Variants in ZRANB3 observed in about 807,000 individuals in gnomAD.
The protein encoded by ZRANB3 is zinc finger RANBP2-type containing 3, also known as DNA annealing helicase and endonuclease ZRANB3.
In ZRANB3, 125 loss-of-function variants were observed where a neutral mutation model predicts 133.8. The ratio of observed to expected loss-of-function variants is 0.93; its 90% CI spans 0.81 to 1.08. ZRANB3 has a LOEUF of 1.08. Among genes scored for constraint, ZRANB3 ranks in the 50% least tolerant of loss-of-function variants. The pLI is 0.00. For missense variants in ZRANB3, 1,229 were observed against 1,275.5 expected (o/e 0.96, Z 0.56); for synonymous variants, 387 against 432.7 (o/e 0.89, Z 1.31).
intron 2 of ZRANB3, among the ~76,000 whole-genome samples, chr2:135,463,054 G>A (rs897049643): frequency 6.6e-6 from 1 of 152,232 alleles, no homozygotes; most frequent in Non-Finnish European, 1.5e-5. Context: ...CAAGCTGGAT[G>A]CAATGGCATG....
chr2:135,453,470 T>G (rs1690364702), intron 2 of ZRANB3, among the ~76,000 whole-genome samples: 1 of 152,216 alleles, frequency 6.6e-6, no homozygotes, highest in South Asian at 2.1e-4. Flanking sequence ...TATGCTCTGT[T>G]TCCCTTTTAA....
intron 1 of ZRANB3, among the ~76,000 whole-genome samples, chr2:135,520,327 G>A (rs879264108): frequency 6.6e-6 from 1 of 151,926 alleles, no homozygotes; most frequent in Non-Finnish European, 1.5e-5. Context: ...CCCAGGAGAC[G>A]GAGGTTACAG....
At chr2:135,225,470 T>G (rs1694722624) in intron 14 of ZRANB3, among the ~76,000 whole-genome samples, 1 of 152,232 alleles carries the variant, frequency 6.6e-6, no homozygotes, top group South Asian at 2.1e-4. Context: ...AAAACGCACT[T>G]TAACATCTCT....
At chr2:135,395,994 T>TTTTATTAGATGTCCAA (rs1687472263) in intron 2 of ZRANB3, among the ~76,000 whole-genome samples, 1 of 152,176 alleles carries the variant, frequency 6.6e-6, no homozygotes, top group Non-Finnish European at 1.5e-5. Flanking sequence ...ATAATCCAAT[T>TTTTATTAGATGTCCAA]TTTTAAATGG....
At chr2:135,397,640 A>T (rs1356456759) in intron 2 of ZRANB3, among the ~76,000 whole-genome samples, 1 of 152,150 alleles carries the variant, frequency 6.6e-6, no homozygotes, top group Non-Finnish European at 1.5e-5. Flanking sequence ...CCAAGAACCC[A>T]TTTCTAATTT....
intron 6 of ZRANB3, among the ~76,000 whole-genome samples, chr2:135,324,128 C>T (rs1021492392): frequency 6.6e-6 from 1 of 151,636 alleles, no homozygotes; most frequent in African/African-American, 2.4e-5. Context: ...ATGTGCACAA[C>T]GTGGAGGTTT....
intron 10 of ZRANB3, among the ~76,000 whole-genome samples, chr2:135,270,916 C>T (rs1680481282): frequency 6.6e-6 from 1 of 152,222 alleles, no homozygotes; most frequent in Non-Finnish European, 1.5e-5. Context: ...CCCCTCTTAC[C>T]TACTGTGGCA....
At chr2:135,335,578 A>C (rs575471099) in intron 6 of ZRANB3, among the ~76,000 whole-genome samples, 1 of 152,172 alleles carries the variant, frequency 6.6e-6, no homozygotes, top group East Asian at 1.9e-4. Flanking sequence ...CTGCAGTCCC[A>C]CCTATTTGCG....
chr2:135,214,507 C>T (rs1214810116), intron 17 of ZRANB3, among the ~76,000 whole-genome samples: 2 of 151,708 alleles, frequency 1.3e-5, no homozygotes, highest in Non-Finnish European at 2.9e-5. Flanking sequence ...CATCCATGTC[C>T]GATGGAGAAG....
At chr2:135,269,425 G>A (rs984544891) in intron 10 of ZRANB3, among the ~76,000 whole-genome samples, 2 of 152,020 alleles carry the variant, frequency 1.3e-5, no homozygotes, top group African/African-American at 4.8e-5. Flanking sequence ...ATGATGAACG[G>A]ATTCACATTA....
At chr2:135,437,396 T>A (rs185618526) in intron 2 of ZRANB3, among the ~76,000 whole-genome samples, 1 of 152,306 alleles carries the variant, frequency 6.6e-6, no homozygotes, top group Admixed American at 6.5e-5. Context: ...TCTATTTGCA[T>A]AACGTTCAGA....
In ZRANB3 at chr2:135,404,707, TG is replaced by T. The variant is rs576031749; in HGVS notation, c.162-13888del. ...TGTTAAGAGCAGCCAGAGACAAAGG[TG>T]GGGGTTACCCACAAAGGGAAGCCCA... is the stretch of plus-strand genomic sequence containing the variant. On this transcript the variant is annotated intron_variant, in intron 2 of 20. Coordinates refer to ENST00000264159, the MANE Select transcript of ZRANB3 (RefSeq NM_032143.4). Among the ~76,000 whole-genome samples the T allele has an allele frequency of 8.1e-4, 124 of 152,158 alleles. 1 individual carries two copies. Among genetic ancestry groups the T allele is most frequent in the African/African-American group, 2.6e-3 (110 of 41,510 alleles).
intron 11 of ZRANB3, among the ~76,000 whole-genome samples, chr2:135,267,567 C>A (rs1573792738): frequency 6.6e-6 from 1 of 152,076 alleles, no homozygotes; most frequent in Admixed American, 6.6e-5. Flanking sequence ...AGGGAATGAA[C>A]ATTCAAACCA....
At chr2:135,367,450 T>C (rs1324571270) in intron 3 of ZRANB3, among the ~76,000 whole-genome samples, 2 of 152,310 alleles carry the variant, frequency 1.3e-5, no homozygotes, top group Admixed American at 6.5e-5. Context: ...GCTTTTGGGA[T>C]GCCTGCCTTA....
At chr2:135,343,186 CAAA>C (rs1176402987) in intron 6 of ZRANB3, among the ~76,000 whole-genome samples, 1 of 46,522 alleles carries the variant, frequency 2.1e-5, no homozygotes, top group African/African-American at 9.3e-5. Context: ...ACTCTGTCTC[CAAA>C]AAAAAAAAAA....
chr2:135,380,234 C>T (rs1455105713), intron 3 of ZRANB3, among the ~76,000 whole-genome samples: 1 of 152,104 alleles, frequency 6.6e-6, no homozygotes, highest in Non-Finnish European at 1.5e-5. Context: ...AAACCCCACT[C>T]ACAATATTAG....
chr2:135,519,033 A>G (rs904866247), intron 1 of ZRANB3, among the ~76,000 whole-genome samples: 3 of 152,178 alleles, frequency 2.0e-5, no homozygotes, highest in African/African-American at 7.2e-5. Flanking sequence ...ATTATTTTTA[A>G]TTCCATTTAT....
rs554956298 is a variant in ZRANB3, at chr2:135,381,437, G to A, written c.180+9365C>T. ...CCACCTCTGTGGGCACTGCATAGCC[G>A]AACAAAAGGCAGCAGAAACCTCTGG... On this transcript the variant is annotated intron_variant, in intron 3 of 20. Transcript: ENST00000264159. Among the ~76,000 whole-genome samples the A allele has an allele frequency of 5.1e-4, 78 of 152,330 alleles. 1 individual carries two copies. The highest frequency in any genetic ancestry group is 8.8e-4 in the Non-Finnish European group (60 of 68,024).
At chr2:135,233,082 G>T (rs1573723694) in intron 12 of ZRANB3, among the ~76,000 whole-genome samples, 1 of 152,298 alleles carries the variant, frequency 6.6e-6, no homozygotes, top group Non-Finnish European at 1.5e-5. Context: ...AATACCCGAT[G>T]CAGAGAAGTC....
Sources: gnomAD v4.1 joint callset for allele counts (sites outside exome capture counted in the v4.1 genomes callset) on GRCh38, gnomAD v4.1.1 for gene constraint, MANE v1.5 for transcripts, NCBI Gene and HGNC (gene_info 2026-07-23, HGNC 2026-07-21) for gene names.